TENM2: variants seen among roughly 807,000 people sequenced by gnomAD.
The protein encoded by TENM2 is teneurin transmembrane protein 2, also known as teneurin-2.
In TENM2, 52 loss-of-function variants were observed where a neutral mutation model predicts 245.2. That is an observed-to-expected ratio of 0.21 (90% CI 0.17 to 0.27). The LOEUF is 0.27. TENM2 is among the 10% of genes least tolerant of loss of function. The pLI is 1.00. For synonymous variants in TENM2, 1,363 were observed against 1,438.9 expected (o/e 0.95, Z 1.19); for missense variants, 3,046 against 3,666.8 (o/e 0.83, Z 4.37).
At chr5:167,864,701 A>C (rs1170795527) in intron 2 of TENM2, among the ~76,000 whole-genome samples, 1 of 152,132 alleles carries the variant, frequency 6.6e-6, no homozygotes, top group African/African-American at 2.4e-5. Context: ...CTCGGTTCCA[A>C]CTCTTCTTCC....
chr5:167,783,260 G>A (rs954732585), intron 2 of TENM2, among the ~76,000 whole-genome samples: 19 of 151,470 alleles, frequency 1.3e-4, no homozygotes, highest in Non-Finnish European at 5.9e-5. Context: ...CACACACCGG[G>A]TTCAGCCCAC....
chr5:167,930,117 T>G lies in TENM2; in HGVS notation c.713-22471T>G, dbSNP rs537662553. 3.3e-5 allele frequency among the ~76,000 whole-genome samples: 5 copies of G among 152,272 alleles called. No individual in the cohort carries two copies. The South Asian group carries it at 1.0e-3, about 32-fold the overall frequency. On this transcript the variant is annotated intron_variant, in intron 3 of 28. Coordinates refer to ENST00000518659, the Ensembl canonical transcript of TENM2. ...TACTGCACTCCAGGGAAATCGCAGT[T>G]TTTACTTTCTTCCAGAGCAGACCAG...
At chr5:167,731,390 T>C (rs919223050) in intron 2 of TENM2, among the ~76,000 whole-genome samples, 1 of 152,040 alleles carries the variant, frequency 6.6e-6, no homozygotes, top group African/African-American at 2.4e-5. Context: ...TTTTATCAAG[T>C]GCATGATCAT....
intron 1 of TENM2, chr5:167,307,898 C>T (rs1479903904): frequency 6.6e-6 from 1 of 152,276 alleles, no homozygotes; most frequent in Non-Finnish European, 1.5e-5. Context: ...GCTCCTTTCC[C>T]TTCTCTGAAC....
chr5:167,709,253 G>T (rs139199016), intron 2 of TENM2, among the ~76,000 whole-genome samples: 1 of 151,940 alleles, frequency 6.6e-6, no homozygotes, highest in Non-Finnish European at 1.5e-5. Flanking sequence ...TCTTATCCCC[G>T]GGTTATTTGA....
the TENM2 span, among the ~76,000 whole-genome samples, chr5:167,024,536 G>A: frequency 1.3e-5 from 2 of 152,304 alleles, no homozygotes; most frequent in South Asian, 2.1e-4. Flanking sequence ...GGGCTGGGAA[G>A]GCTATTTTAT....
the TENM2 span, among the ~76,000 whole-genome samples, chr5:167,011,739 T>TG: frequency 6.6e-6 from 1 of 152,220 alleles, no homozygotes; most frequent in Non-Finnish European, 1.5e-5. Context: ...AATTGAGAGT[T>TG]ATGTTGATTT....
chr5:167,732,965 A>C (rs927183698), intron 2 of TENM2, among the ~76,000 whole-genome samples: 1 of 152,238 alleles, frequency 6.6e-6, no homozygotes, highest in African/African-American at 2.4e-5. Context: ...AGGTCGATAG[A>C]GAAAAGTCTC....
At chr5:167,076,669 A>C in the TENM2 span, among the ~76,000 whole-genome samples, 1 of 152,184 alleles carries the variant, frequency 6.6e-6, no homozygotes, top group African/African-American at 2.4e-5. Flanking sequence ...AATAAGATTA[A>C]CGCATTTTTC....
chr5:167,990,332 G>T (rs1783570728), intron 4 of TENM2, among the ~76,000 whole-genome samples: 1 of 152,174 alleles, frequency 6.6e-6, no homozygotes. Context: ...ATGTAGCTCT[G>T]AAGAATTAAT....
intron 1 of TENM2, chr5:167,307,969 C>G (rs1422615987): frequency 3.9e-5 from 6 of 152,346 alleles, no homozygotes; most frequent in African/African-American, 1.4e-4. Context: ...CATTCTCTGC[C>G]TGGTGCAGCT....
At chr5:167,322,883 C>T (rs1756854137) in intron 1 of TENM2, among the ~76,000 whole-genome samples, 1 of 152,142 alleles carries the variant, frequency 6.6e-6, no homozygotes, top group African/African-American at 2.4e-5. Context: ...GGCCAGAAGG[C>T]CATGGTGACA....
rs1274457575 is a variant in TENM2 at position 168,041,496 on chromosome 5, A to ACTGCTTTCTCAATTCCTTTATGT, written c.1187-5928_1187-5906dup. ...TGCTCTTCCCCAGACGTCAGCATAA[A>ACTGCTTTCTCAATTCCTTTATGT]CTGCTTTCTCAATTCCTTTATGTCT... On this transcript the variant is annotated intron_variant, in intron 5 of 28. Coordinates refer to ENST00000518659, the Ensembl canonical transcript of TENM2. Among the ~76,000 whole-genome samples, 3 of 152,248 alleles carry ACTGCTTTCTCAATTCCTTTATGT rather than the reference A, an allele frequency of 2.0e-5. No homozygotes were observed. The East Asian group carries it at 5.8e-4, about 29-fold the overall frequency.
At chr5:168,009,988 G>A (rs1423082700) in intron 5 of TENM2, among the ~76,000 whole-genome samples, 1 of 152,202 alleles carries the variant, frequency 6.6e-6, no homozygotes. Flanking sequence ...GCCCACAAGA[G>A]AGGCAATACC....
At chr5:167,361,990 C>T (rs1759744576) in intron 1 of TENM2, among the ~76,000 whole-genome samples, 1 of 152,070 alleles carries the variant, frequency 6.6e-6, no homozygotes, top group Non-Finnish European at 1.5e-5. Context: ...TTTTTTTAAC[C>T]TTATTGAGCC....
At chr5:167,797,185 A>T (rs374058141) in intron 2 of TENM2, among the ~76,000 whole-genome samples, 11 of 152,104 alleles carry the variant, frequency 7.2e-5, no homozygotes, top group Admixed American at 6.5e-5. Context: ...TATGCACTCA[A>T]TGTTGTCAGA....
At chr5:167,967,574 ACTT>A (rs1206424569) in intron 4 of TENM2, among the ~76,000 whole-genome samples, 1 of 152,148 alleles carries the variant, frequency 6.6e-6, no homozygotes, top group African/African-American at 2.4e-5. Flanking sequence ...GAGGAATTGA[ACTT>A]CTTATTGCAG....
chr5:167,856,119 T>C (rs146622152), intron 2 of TENM2, among the ~76,000 whole-genome samples: 2 of 152,296 alleles, frequency 1.3e-5, no homozygotes, highest in East Asian at 3.9e-4. Context: ...TTGGTACACA[T>C]ATGCCACCTC....
At chr5:167,033,371 A>G in the TENM2 span, among the ~76,000 whole-genome samples, 50 of 152,338 alleles carry the variant, frequency 3.3e-4, no homozygotes, top group African/African-American at 1.1e-3. Context: ...TGACTAGGAT[A>G]AAGCAGTTTG....
Sources: allele counts gnomAD v4.1 joint callset (sites outside exome capture counted in the v4.1 genomes callset), GRCh38; gene constraint gnomAD v4.1.1; transcripts MANE v1.5; gene names NCBI Gene and HGNC (gene_info 2026-07-23, HGNC 2026-07-21).